SCFD2: variants seen among roughly 807,000 people sequenced by gnomAD.
SCFD2 encodes the protein sec1 family domain-containing protein 2.
In SCFD2, 54 loss-of-function variants were observed where a neutral mutation model predicts 58.9. That is an observed-to-expected ratio of 0.92 (90% CI 0.74 to 1.15). The LOEUF (loss-of-function observed/expected upper bound fraction) is 1.15, where lower values mean the gene tolerates loss of function less well. Among genes scored for constraint, SCFD2 ranks in the 50% most tolerant of loss-of-function variants. SCFD2 has a pLI of 0.00. For synonymous variants in SCFD2, 321 were observed against 335.9 expected (o/e 0.96, Z 0.49); for missense variants, 805 against 836.6 (o/e 0.96, Z 0.47).
At chr4:53,247,442 A>G (rs1730125731) in intron 4 of SCFD2, among the ~76,000 whole-genome samples, 1 of 152,254 alleles carries the variant, frequency 6.6e-6, no homozygotes, top group South Asian at 2.1e-4. Flanking sequence ...ATGCACATGT[A>G]TGTTCATTGC....
chr4:53,260,785 A>ACC (rs1266463295), intron 4 of SCFD2, among the ~76,000 whole-genome samples: 1 of 152,182 alleles, frequency 6.6e-6, no homozygotes, highest in African/African-American at 2.4e-5. Flanking sequence ...ATTGTGTGGA[A>ACC]TAGTGTCAAT....
intron 5 of SCFD2, among the ~76,000 whole-genome samples, chr4:52,934,567 C>G (rs1368738863): frequency 2.0e-5 from 3 of 152,182 alleles, no homozygotes; most frequent in Non-Finnish European, 4.4e-5. Context: ...AGGCAGGAAG[C>G]CTCTAGGAAT....
chr4:53,288,686 T>C (rs1731745718), intron 3 of SCFD2, among the ~76,000 whole-genome samples: 1 of 152,094 alleles, frequency 6.6e-6, no homozygotes, highest in African/African-American at 2.4e-5. Flanking sequence ...AGAAATAATA[T>C]TTTCCCCAGA....
intron 4 of SCFD2, among the ~76,000 whole-genome samples, chr4:53,220,271 A>G (rs997990524): frequency 3.3e-5 from 5 of 152,354 alleles, no homozygotes; most frequent in South Asian, 2.1e-4. Context: ...AACACATGCT[A>G]TAGAAAACCT....
chr4:53,242,386 A>C (rs959616636), intron 4 of SCFD2, among the ~76,000 whole-genome samples: 3 of 152,218 alleles, frequency 2.0e-5, no homozygotes, highest in Non-Finnish European at 4.4e-5. Context: ...GCTCCCTAAA[A>C]ATCTTCCAGA....
intron 2 of SCFD2, among the ~76,000 whole-genome samples, chr4:53,329,600 A>T (rs1415700530): frequency 6.6e-6 from 1 of 152,012 alleles, no homozygotes; most frequent in Non-Finnish European, 1.5e-5. Context: ...TCTGTACATC[A>T]CCATCATCAA....
At chr4:53,236,470 C>A (rs1214561981) in intron 4 of SCFD2, among the ~76,000 whole-genome samples, 6 of 129,618 alleles carry the variant, frequency 4.6e-5, no homozygotes, top group Non-Finnish European at 9.7e-5. Context: ...ATATATATAT[C>A]CCATTAGTTC....
In SCFD2 at chr4:53,156,623, A is replaced by G. The variant is rs1450894788; in HGVS notation, c.1312-11041T>C. On this transcript the variant is annotated intron_variant, in intron 4 of 8. Transcript: ENST00000401642. The stretch of plus-strand genomic sequence containing the variant: ...TGAGGCAGGAGAATGGCATGAACCC[A>G]GGAGGCGGAGCTTGCCGTGAGCCGA... Among the ~76,000 whole-genome samples, 3 of 152,232 alleles carry G rather than the reference A, an allele frequency of 2.0e-5. No homozygotes were observed. The East Asian group carries it at 5.8e-4, about 29-fold the overall frequency.
At chr4:52,934,365 T>C (rs967199679) in intron 5 of SCFD2, among the ~76,000 whole-genome samples, 6 of 152,232 alleles carry the variant, frequency 3.9e-5, no homozygotes, top group African/African-American at 1.4e-4. Context: ...GCAACCAGTT[T>C]GGCATCTCAT....
At chr4:53,210,377 G>A (rs1365678777) in intron 4 of SCFD2, among the ~76,000 whole-genome samples, 1 of 152,036 alleles carries the variant, frequency 6.6e-6, no homozygotes, top group Non-Finnish European at 1.5e-5. Flanking sequence ...GGGGTTCCAC[G>A]AGGTCAAAAT....
chr4:52,974,222 G>C (rs1295504008), intron 5 of SCFD2, among the ~76,000 whole-genome samples: 1 of 152,208 alleles, frequency 6.6e-6, no homozygotes, highest in Non-Finnish European at 1.5e-5. Flanking sequence ...AAAAGAGGGA[G>C]TCAAATTGTC....
chr4:53,003,011 TCAG>T, intron 5 of SCFD2, among the ~76,000 whole-genome samples: 1 of 152,292 alleles, frequency 6.6e-6, no homozygotes. Flanking sequence ...TCGCTCACTA[TCAG>T]CAGAACAGCA....
At chr4:52,984,693 G>A (rs1531836) in intron 5 of SCFD2, among the ~76,000 whole-genome samples, 131,127 of 152,232 alleles carry the variant, frequency 0.86, 56,637 homozygotes, top group Middle Eastern at 0.96. Context: ...TCCTTAGGTC[G>A]GCAGAGGCCT....
At chr4:52,942,617 A>C (rs1720321222) in intron 5 of SCFD2, among the ~76,000 whole-genome samples, 1 of 152,194 alleles carries the variant, frequency 6.6e-6, no homozygotes, top group Non-Finnish European at 1.5e-5. Flanking sequence ...TGGGGGAATA[A>C]ATGAGTTACT....
intron 5 of SCFD2, among the ~76,000 whole-genome samples, chr4:53,064,880 C>T (rs1723613603): frequency 1.3e-5 from 2 of 152,068 alleles, no homozygotes; most frequent in Non-Finnish European, 2.9e-5. Flanking sequence ...ATGTAAAGTA[C>T]CTAGCTCAGT....
intron 7 of SCFD2, 33 bp downstream of exon 7, chr4:52,907,424 A>T: frequency 6.2e-7 from 1 of 1,607,972 alleles, no homozygotes; most frequent in Non-Finnish European, 8.5e-7. Context: ...GAACATTTCT[A>T]CACTCAGGAT....
At chr4:53,103,907 A>AG (rs1327732727) in intron 5 of SCFD2, among the ~76,000 whole-genome samples, 1 of 150,084 alleles carries the variant, frequency 6.7e-6, no homozygotes, top group African/African-American at 2.5e-5. Context: ...TAAAAAAAAA[A>AG]AAAAAAAAAG....
chr4:53,080,756 C>A (rs971199564), intron 5 of SCFD2, among the ~76,000 whole-genome samples: 8 of 152,072 alleles, frequency 5.3e-5, no homozygotes, highest in Non-Finnish European at 1.0e-4. Context: ...GGTTTCAAAA[C>A]CTCAAAATAA....
chr4:53,321,791 T>C (rs760921332), intron 2 of SCFD2, among the ~76,000 whole-genome samples: 4 of 152,324 alleles, frequency 2.6e-5, no homozygotes, highest in Non-Finnish European at 4.4e-5. Flanking sequence ...TTCATCTCAA[T>C]AGAAGCAAAA....
Sources: allele counts gnomAD v4.1 joint callset (sites outside exome capture counted in the v4.1 genomes callset), GRCh38; gene constraint gnomAD v4.1.1; transcripts MANE v1.5; gene names NCBI Gene and HGNC (gene_info 2026-07-23, HGNC 2026-07-21).